PRKN: variants seen among roughly 807,000 people sequenced by gnomAD.
The protein encoded by PRKN is E3 ubiquitin-protein ligase parkin.
In PRKN, 56 loss-of-function variants were observed where a neutral mutation model predicts 59.5. That is an observed-to-expected ratio of 0.94 (90% CI 0.76 to 1.18). PRKN has a LOEUF of 1.18. Among genes scored for constraint, PRKN ranks in the 50% most tolerant of loss-of-function variants. PRKN has a pLI of 0.00. For missense variants in PRKN, 657 were observed against 596.4 expected (o/e 1.10, Z -1.06); for synonymous variants, 250 against 222.1 (o/e 1.13, Z -1.12).
At chr6:161,929,797 G>A (rs773933858) in intron 6 of PRKN, among the ~76,000 whole-genome samples, 5 of 152,096 alleles carry the variant, frequency 3.3e-5, no homozygotes, top group Non-Finnish European at 7.4e-5. Flanking sequence ...ATAGGCATGA[G>A]CCACCATGCC....
intron 2 of PRKN, among the ~76,000 whole-genome samples, chr6:162,443,005 A>G (rs531048193): frequency 1.3e-5 from 2 of 152,276 alleles, no homozygotes; most frequent in South Asian, 4.1e-4. Flanking sequence ...TAGAAATTGA[A>G]CAGACACAGA....
intron 7 of PRKN, among the ~76,000 whole-genome samples, chr6:161,759,805 G>C (rs1026931963): frequency 6.6e-6 from 1 of 152,082 alleles, no homozygotes; most frequent in Non-Finnish European, 1.5e-5. Context: ...TGTTTCAAGT[G>C]GGTTTTAGGG....
chr6:162,096,775 CTTTT>C (rs36192490), intron 4 of PRKN, among the ~76,000 whole-genome samples: 2 of 143,194 alleles, frequency 1.4e-5, no homozygotes, highest in Non-Finnish European at 3.0e-5. Flanking sequence ...CATTTAACCT[CTTTT>C]TTTTTTATAA....
At chr6:161,927,773 T>TA (rs933418797) in intron 6 of PRKN, among the ~76,000 whole-genome samples, 98 of 143,960 alleles carry the variant, frequency 6.8e-4, no homozygotes, top group Admixed American at 9.1e-4. Flanking sequence ...AAACTCTGTT[T>TA]AAAAAAAAAA....
chr6:161,843,222 G>A (rs551246286), intron 6 of PRKN, among the ~76,000 whole-genome samples: 4 of 152,110 alleles, frequency 2.6e-5, no homozygotes, highest in African/African-American at 9.7e-5. Context: ...GGTCTACTCC[G>A]TGACTCTCCT....
intron 4 of PRKN, among the ~76,000 whole-genome samples, chr6:162,158,415 CGT>C (rs1491350621): frequency 0.82 from 114,490 of 139,056 alleles, 47,932 homozygotes; most frequent in Non-Finnish European, 0.91. Flanking sequence ...TGTTTGTTTG[CGT>C]TTTTTTTTTT....
intron 4 of PRKN, among the ~76,000 whole-genome samples, chr6:162,094,377 G>A (rs1779641438): frequency 6.6e-6 from 1 of 152,134 alleles, no homozygotes; most frequent in Admixed American, 6.6e-5. Flanking sequence ...TCAGCGACAT[G>A]GGAGGCTGAG....
intron 7 of PRKN, among the ~76,000 whole-genome samples, chr6:161,737,551 G>A (rs1788015397): frequency 6.6e-6 from 1 of 152,188 alleles, no homozygotes; most frequent in Admixed American, 6.5e-5. Flanking sequence ...GGCATTCAAT[G>A]CTGTATGTGC....
chr6:162,175,038 T>C (rs1382131508), intron 4 of PRKN, among the ~76,000 whole-genome samples: 1 of 152,184 alleles, frequency 6.6e-6, no homozygotes, highest in East Asian at 1.9e-4. Context: ...AAGGGGGACT[T>C]CACAGAAAGT....
chr6:162,041,645 G>A (rs906579799), intron 5 of PRKN, among the ~76,000 whole-genome samples: 1 of 152,184 alleles, frequency 6.6e-6, no homozygotes, highest in Non-Finnish European at 1.5e-5. Flanking sequence ...CTCCAGTTGT[G>A]ATCACTGGGA....
chr6:161,862,320 C>T (rs892163848), intron 6 of PRKN, among the ~76,000 whole-genome samples: 2 of 152,168 alleles, frequency 1.3e-5, no homozygotes, highest in African/African-American at 2.4e-5. Context: ...TCGGGGATTA[C>T]TCGAATAGGA....
rs200687735 is a variant in PRKN at position 162,255,077 on chromosome 6, AAAAATAAAATAAAAT to A, written c.412+7433_412+7447del. On this transcript the variant is annotated intron_variant, in intron 3 of 11. Transcript: ENST00000366898. ...ATTAAGTAAACAAAGAGATTCATAC[AAAAATAAAATAAAAT>A]AAAATAAAATAAAATAAAATAAAAT... 3.7e-3 allele frequency among the ~76,000 whole-genome samples: 517 copies of A among 138,408 alleles called. 7 individuals are homozygous for A. The East Asian group carries it at 0.04, about 11-fold the overall frequency. 90.8% of individuals were successfully genotyped at this position (138,408 alleles called of 152,430 possible). A position where few individuals can be genotyped will look rare whatever the true frequency, so the allele number is the denominator to read the frequency against.
chr6:161,502,440 T>C lies in PRKN; in HGVS notation c.1083+46414A>G, dbSNP rs1777997286. On this transcript the variant is annotated intron_variant, in intron 9 of 11. Coordinates refer to ENST00000366898, the MANE Select transcript of PRKN (RefSeq NM_004562.3). The surrounding 1 kb of genome is among the most constrained non-coding windows in gnomAD (Gnocchi z 4.0). ...CCCCTTCTAACCAACCCTGGGAAAT[T>C]AGCAAGGTTTCCCAGCACCCCAAGC... Among the ~76,000 whole-genome samples the C allele has an allele frequency of 6.6e-6, 1 of 152,144 alleles. No homozygotes were observed. Among genetic ancestry groups the C allele is most frequent in the South Asian group, 2.1e-4 (1 of 4,826 alleles).
At chr6:162,612,175 A>G (rs1782208707) in intron 1 of PRKN, among the ~76,000 whole-genome samples, 1 of 139,260 alleles carries the variant, frequency 7.2e-6, no homozygotes, top group Non-Finnish European at 1.5e-5. Context: ...CCTCGGAGAC[A>G]GAGTGAGACT....
intron 7 of PRKN, among the ~76,000 whole-genome samples, chr6:161,765,782 C>G (rs1244982159): frequency 6.6e-6 from 1 of 152,168 alleles, no homozygotes; most frequent in Non-Finnish European, 1.5e-5. Flanking sequence ...TCTTTTACTA[C>G]TTGCTTAGTT....
chr6:162,421,742 T>C (rs1788977792), intron 2 of PRKN, among the ~76,000 whole-genome samples: 1 of 152,096 alleles, frequency 6.6e-6, no homozygotes, highest in Admixed American at 6.5e-5. Flanking sequence ...ATCAAGTAAG[T>C]AAGGCAAAGA....
intron 2 of PRKN, among the ~76,000 whole-genome samples, chr6:162,384,664 A>AAC (rs1554311194): frequency 0.041 from 4,970 of 121,756 alleles, 130 homozygotes; most frequent in African/African-American, 0.1. Flanking sequence ...AAAAAAAAAC[A>AAC]AAAAAAAAAA....
intron 7 of PRKN, among the ~76,000 whole-genome samples, chr6:161,761,194 C>T (rs772985718): frequency 6.6e-6 from 1 of 152,166 alleles, no homozygotes; most frequent in Non-Finnish European, 1.5e-5. Flanking sequence ...TTGAATAAAT[C>T]AATTCTTTAT....
At chr6:161,957,043 C>T (rs914691513) in intron 6 of PRKN, among the ~76,000 whole-genome samples, 3 of 152,170 alleles carry the variant, frequency 2.0e-5, no homozygotes, top group African/African-American at 7.2e-5. Flanking sequence ...GAAGACCAGC[C>T]ATCATCACTC....
Sources: allele counts gnomAD v4.1 joint callset (sites outside exome capture counted in the v4.1 genomes callset), GRCh38; gene constraint gnomAD v4.1.1; non-coding constraint Gnocchi (gnomAD v3.1); transcripts MANE v1.5; gene names NCBI Gene and HGNC (gene_info 2026-07-23, HGNC 2026-07-21).